The following TYR variants were observed in gnomAD, a reference collection of about 807,000 sequenced individuals.
TYR encodes tyrosinase.
A neutral mutation model predicts 51.5 loss-of-function variants in TYR; 58 were observed. The ratio of observed to expected loss-of-function variants is 1.13; its 90% CI spans 0.91 to 1.40. The LOEUF (loss-of-function observed/expected upper bound fraction) is 1.40, where lower values mean the gene tolerates loss of function less well. Ranked by LOEUF, TYR falls within the 40% of genes most tolerant of loss-of-function variation. The pLI is 0.00. For synonymous variants in TYR, 263 were observed against 235.2 expected, an observed-to-expected ratio of 1.12 and a Z score of -1.08; for missense variants, 732 against 647.4, an observed-to-expected ratio of 1.13 and a Z score of -1.42.
At chr11:89,291,532 T>C (rs1944853148) in intron 4 of TYR, among the ~76,000 whole-genome samples, 1 of 151,980 alleles carries the variant, frequency 6.6e-6, no homozygotes, top group Non-Finnish European at 1.5e-5. Context: ...AAATCAACTG[T>C]AATCTTATTG....
At chr11:89,204,494 C>T (rs907915862) in intron 2 of TYR, among the ~76,000 whole-genome samples, 1 of 151,846 alleles carries the variant, frequency 6.6e-6, no homozygotes, top group Non-Finnish European at 1.5e-5. Context: ...CCCAGAGTAG[C>T]TGGGATTCCC....
At chr11:89,224,008 G>C (rs1193440162) in intron 2 of TYR, among the ~76,000 whole-genome samples, 8 of 150,776 alleles carry the variant, frequency 5.3e-5, no homozygotes, top group Non-Finnish European at 1.5e-5. Flanking sequence ...GGCTGAAAAC[G>C]CTCTTAAAAT....
chr11:89,229,401 G>T (rs979268556), intron 3 of TYR, among the ~76,000 whole-genome samples: 1 of 151,876 alleles, frequency 6.6e-6, no homozygotes, highest in Admixed American at 6.6e-5. Flanking sequence ...TAAATTGAAC[G>T]CTTTTTAAAG....
chr11:89,272,441 T>G (rs375157664), intron 3 of TYR, among the ~76,000 whole-genome samples: 2 of 151,742 alleles, frequency 1.3e-5, no homozygotes, highest in Non-Finnish European at 2.9e-5. Flanking sequence ...ACTTGAAATA[T>G]TCAGTAAATC....
intron 4 of TYR, among the ~76,000 whole-genome samples, chr11:89,290,997 T>C (rs1172529847): frequency 6.6e-6 from 1 of 151,992 alleles, no homozygotes; most frequent in Non-Finnish European, 1.5e-5. Context: ...GTCTCCTAAA[T>C]AGATTCTATA....
At chr11:89,283,353 T>C (rs1052595021) in intron 3 of TYR, among the ~76,000 whole-genome samples, 4 of 151,868 alleles carry the variant, frequency 2.6e-5, no homozygotes, top group African/African-American at 9.7e-5. Context: ...TTCTCTTCAT[T>C]ATTGTGCTTC....
At chr11:89,284,406 C>T (rs1422989352) in intron 3 of TYR, among the ~76,000 whole-genome samples, 1 of 151,664 alleles carries the variant, frequency 6.6e-6, no homozygotes, top group African/African-American at 2.4e-5. Flanking sequence ...TAGTTTTATA[C>T]GTTCTTTCTC....
At chr11:89,272,657 TC>T (rs1274247706) in intron 3 of TYR, among the ~76,000 whole-genome samples, 2 of 151,952 alleles carry the variant, frequency 1.3e-5, no homozygotes, top group East Asian at 3.9e-4. Flanking sequence ...GGCATTGAGT[TC>T]TTTCTAGCTA....
chr11:89,240,521 AT>A (rs1304706961), intron 3 of TYR, among the ~76,000 whole-genome samples: 4 of 152,084 alleles, frequency 2.6e-5, no homozygotes, highest in Admixed American at 6.6e-5. Context: ...CATTATAAAT[AT>A]TTTTTGGTTA....
intron 3 of TYR, among the ~76,000 whole-genome samples, chr11:89,229,471 C>A (rs75917757): frequency 0.025 from 3,814 of 151,448 alleles, 179 homozygotes; most frequent in African/African-American, 0.088. Flanking sequence ...TCTAGAACTA[C>A]CCAGTGAACT....
rs751935450 is a variant in TYR, at chr11:89,284,948, G to C, written c.1360G>C (p.Asp454His). 6.2e-7 allele frequency: 1 copy of C among 1,610,944 alleles called. No homozygotes were observed. The highest frequency in any genetic ancestry group is 8.5e-7 in the Non-Finnish European group (1 of 1,177,802). ...DLGYDYSYLQ[D>H]SDPDSFQDYI... ...GGGCTATGACTATAGCTATCTACAA[G>C]ATTCAGGTAAAGTTTACTTTCTTTC... The change falls in exon 4 of 5, where the codon GAT becomes CAT. Residue 454 changes from aspartate to histidine, a missense_variant. Asp to His is a moderately conservative substitution (Grantham distance 81, BLOSUM62 -1). Coordinates refer to ENST00000263321, the MANE Select transcript of TYR (RefSeq NM_000372.5).
chr11:89,261,769 G>T (rs1944458916), intron 3 of TYR, among the ~76,000 whole-genome samples: 2 of 151,990 alleles, frequency 1.3e-5, no homozygotes, highest in Non-Finnish European at 2.9e-5. Flanking sequence ...AGTGCACATG[G>T]AGTATTTTCC....
intron 4 of TYR, among the ~76,000 whole-genome samples, chr11:89,288,075 T>C (rs948811012): frequency 6.6e-6 from 1 of 151,930 alleles, no homozygotes; most frequent in Admixed American, 6.6e-5. Flanking sequence ...TATGGTTTTG[T>C]TATACAGTGA....
At chr11:89,233,718 A>G (rs767173193) in intron 3 of TYR, among the ~76,000 whole-genome samples, 1 of 142,708 alleles carries the variant, frequency 7.0e-6, no homozygotes, top group Non-Finnish European at 1.5e-5. Context: ...AATGAGCAGT[A>G]ATATTTTGAA....
chr11:89,202,344 A>G (rs1943607924), intron 2 of TYR, among the ~76,000 whole-genome samples: 1 of 151,888 alleles, frequency 6.6e-6, no homozygotes, highest in African/African-American at 2.4e-5. Flanking sequence ...ACCTTCTAGT[A>G]TTTGGAAAGT....
intron 2 of TYR, among the ~76,000 whole-genome samples, chr11:89,202,047 T>G (rs1414490790): frequency 6.6e-6 from 1 of 152,204 alleles, no homozygotes; most frequent in East Asian, 1.9e-4. Context: ...AGTGGGGGTG[T>G]TTATGACCTC....
chr11:89,289,564 G>A (rs1447861531), intron 4 of TYR, among the ~76,000 whole-genome samples: 1 of 151,926 alleles, frequency 6.6e-6, no homozygotes, highest in African/African-American at 2.4e-5. Context: ...CCTGCCAGGT[G>A]CTGAGGGTGA....
At chr11:89,284,031 T>C (rs1049268280) in intron 3 of TYR, 7 of 151,812 alleles carry the variant, frequency 4.6e-5, no homozygotes, top group African/African-American at 7.2e-5. Context: ...GGGCAATGGA[T>C]TTCTTTGCTG....
At chr11:89,229,619 T>A (rs946977269) in intron 3 of TYR, among the ~76,000 whole-genome samples, 17 of 152,136 alleles carry the variant, frequency 1.1e-4, no homozygotes, top group Non-Finnish European at 1.2e-4. Flanking sequence ...TGTTTCTGTT[T>A]ACTGATGATC....
Sources: gnomAD v4.1 joint callset for allele counts (sites outside exome capture counted in the v4.1 genomes callset) on GRCh38, gnomAD v4.1.1 for gene constraint, MANE v1.5 for transcripts, NCBI Gene and HGNC (gene_info 2026-07-23, HGNC 2026-07-21) for gene names.